The following ROBO2 variants were observed in gnomAD, a reference collection of about 807,000 sequenced individuals.
The protein encoded by ROBO2 is roundabout homolog 2.
Under a neutral mutation model 160.8 loss-of-function variants are expected in ROBO2, and 53 were observed. The observed-to-expected ratio is 0.33, with a 90% CI of 0.26 to 0.41. The LOEUF is 0.41. Ranked by LOEUF, ROBO2 falls within the 10% of genes least tolerant of loss-of-function variation. The probability of loss-of-function intolerance (pLI) is 1.00; values close to 1 mark genes in which losing one functional copy is unlikely to be tolerated. For synonymous variants in ROBO2, 664 were observed against 611.7 expected (o/e 1.09, Z -1.26); for missense variants, 1,577 against 1,722.4 (o/e 0.92, Z 1.49).
At chr3:76,176,731 T>G (rs1252764298) in intron 2 of ROBO2, among the ~76,000 whole-genome samples, 2 of 152,120 alleles carry the variant, frequency 1.3e-5, no homozygotes, top group Non-Finnish European at 2.9e-5. Flanking sequence ...TGATTATTTG[T>G]TTCCAAATAA....
At chr3:77,052,619 C>T (rs189901135) in intron 1 of ROBO2, among the ~76,000 whole-genome samples, 5 of 152,240 alleles carry the variant, frequency 3.3e-5, no homozygotes, top group Admixed American at 2.6e-4. Flanking sequence ...TTTTTAAAAG[C>T]TAGTTTTTCA....
intron 2 of ROBO2, among the ~76,000 whole-genome samples, chr3:76,198,136 C>T (rs546980986): frequency 6.6e-6 from 1 of 152,072 alleles, no homozygotes; most frequent in South Asian, 2.1e-4. Flanking sequence ...ATCAGACATA[C>T]CTCATCACAC....
intron 2 of ROBO2, among the ~76,000 whole-genome samples, chr3:76,068,214 G>A (rs188278907): frequency 6.6e-6 from 1 of 152,136 alleles, no homozygotes; most frequent in Non-Finnish European, 1.5e-5. Context: ...TGTGTTTGAG[G>A]GAGGGTAAGG....
chr3:77,595,087 T>C, intron 17 of ROBO2, 55 bp from the exon 19 acceptor site: 3 of 1,356,170 alleles, frequency 2.2e-6, no homozygotes, highest in Non-Finnish European at 3.2e-6. Flanking sequence ...TTATTAATTG[T>C]AATTAATATT....
chr3:75,948,663 C>T (rs1365618375), intron 2 of ROBO2, among the ~76,000 whole-genome samples: 1 of 152,104 alleles, frequency 6.6e-6, no homozygotes, highest in East Asian at 1.9e-4. Context: ...ACCTGTCAAT[C>T]ACTATCGCTA....
At chr3:76,184,161 T>A (rs1575783569) in intron 2 of ROBO2, among the ~76,000 whole-genome samples, 1 of 152,118 alleles carries the variant, frequency 6.6e-6, no homozygotes. Flanking sequence ...TAATTTAGAC[T>A]GGGCTCAGTG....
At chr3:77,644,120 TAA>T (rs35421897) in intron 24 of ROBO2, among the ~76,000 whole-genome samples, 63,233 of 150,442 alleles carry the variant, frequency 0.42, 13,592 homozygotes, top group Admixed American at 0.51. Flanking sequence ...AGACAATCTG[TAA>T]AAAAAAAAAA....
At chr3:76,962,226 T>C (rs1382640504) in intron 2 of ROBO2, among the ~76,000 whole-genome samples, 1 of 151,858 alleles carries the variant, frequency 6.6e-6, no homozygotes, top group African/African-American at 2.4e-5. Flanking sequence ...TCCAAGCTAC[T>C]TGGGAGGCTG....
chr3:77,489,255 G>T (rs1056981767), intron 4 of ROBO2, among the ~76,000 whole-genome samples: 2 of 152,070 alleles, frequency 1.3e-5, no homozygotes, highest in Non-Finnish European at 2.9e-5. Context: ...GTTTTGCTTT[G>T]ATTTGTTTTT....
chr3:76,009,386 AGCCACCGC>A (rs1298652542), intron 2 of ROBO2, among the ~76,000 whole-genome samples: 1 of 152,128 alleles, frequency 6.6e-6, no homozygotes, highest in East Asian at 1.9e-4. Context: ...TACAGGCGTA[AGCCACCGC>A]GCCTGGCTGA....
chr3:76,701,837 G>A (rs2093050330), intron 2 of ROBO2, among the ~76,000 whole-genome samples: 1 of 130,102 alleles, frequency 7.7e-6, no homozygotes, highest in East Asian at 2.6e-4. Flanking sequence ...CTTGAGTAGT[G>A]TGTAGCAGTC....
At chr3:76,457,560 G>T (rs542147401) in intron 2 of ROBO2, among the ~76,000 whole-genome samples, 2 of 152,112 alleles carry the variant, frequency 1.3e-5, no homozygotes, top group East Asian at 3.9e-4. Flanking sequence ...CGGTGGATCT[G>T]CCATTCTGAG....
At chr3:76,708,071 A>C (rs1160740429) in intron 2 of ROBO2, among the ~76,000 whole-genome samples, 1 of 152,172 alleles carries the variant, frequency 6.6e-6, no homozygotes, top group Non-Finnish European at 1.5e-5. Context: ...TCCCCTTTGA[A>C]GCAAAAGCAC....
At chr3:77,124,993 A>G (rs2075176705) in intron 2 of ROBO2, among the ~76,000 whole-genome samples, 1 of 151,786 alleles carries the variant, frequency 6.6e-6, no homozygotes, top group South Asian at 2.1e-4. Context: ...TAAATACTTA[A>G]CTCTAATATG....
At chr3:77,388,742 G>C (rs967046084) in intron 2 of ROBO2, among the ~76,000 whole-genome samples, 1 of 152,028 alleles carries the variant, frequency 6.6e-6, no homozygotes, top group Non-Finnish European at 1.5e-5. Flanking sequence ...TCAATTTGTG[G>C]CCTTTTACTA....
At chr3:77,503,489 A>G (rs2087952495) in intron 5 of ROBO2, among the ~76,000 whole-genome samples, 1 of 150,844 alleles carries the variant, frequency 6.6e-6, no homozygotes. Context: ...GCGCCACTGC[A>G]CTCCAGCCTG....
intron 2 of ROBO2, among the ~76,000 whole-genome samples, chr3:77,006,062 C>G (rs1335669767): frequency 6.6e-6 from 1 of 150,774 alleles, no homozygotes. Context: ...TTTTCAGATT[C>G]TTTTAGCTAC....
At chr3:77,510,221 A>G (rs2089207671) in intron 5 of ROBO2, among the ~76,000 whole-genome samples, 1 of 152,128 alleles carries the variant, frequency 6.6e-6, no homozygotes, top group African/African-American at 2.4e-5. Flanking sequence ...GTAAACTGTT[A>G]TATTAACATA....
intron 2 of ROBO2, among the ~76,000 whole-genome samples, chr3:76,671,212 C>A (rs984308438): frequency 6.6e-6 from 1 of 151,226 alleles, no homozygotes; most frequent in Admixed American, 6.6e-5. Flanking sequence ...ACAAAGGTAA[C>A]CTGAAAAGTC....
Sources: gnomAD v4.1 joint callset for allele counts (sites outside exome capture counted in the v4.1 genomes callset) on GRCh38, gnomAD v4.1.1 for gene constraint, MANE v1.5 for transcripts, NCBI Gene and HGNC (gene_info 2026-07-23, HGNC 2026-07-21) for gene names.